The following KAZN variants were observed in gnomAD, a reference collection of about 807,000 sequenced individuals.
KAZN encodes kazrin.
In KAZN, 40 loss-of-function variants were observed where a neutral mutation model predicts 87.4. The observed-to-expected ratio is 0.46, with a 90% CI of 0.36 to 0.60. The LOEUF (loss-of-function observed/expected upper bound fraction) is 0.60. KAZN is among the 20% of genes least tolerant of loss of function. The pLI, the probability that KAZN is intolerant of heterozygous loss-of-function variation, is 0.00. For missense variants in KAZN, 898 were observed against 1,073.9 expected (o/e 0.84, Z 2.29); for synonymous variants, 466 against 458.3 (o/e 1.02, Z -0.22).
rs980777791 is a variant in KAZN, at chr1:14,974,762, T to G, written c.418+13887T>G. On this transcript the variant is annotated intron_variant, in intron 2 of 14. Coordinates refer to ENST00000376030, the MANE Select transcript of KAZN (RefSeq NM_201628.3). ...AAGGAGACTAGAAAATGCATGCTAATCTACAGGGACAGAAAGCTCCTGTAG... is the reference window on the plus strand; with the variant it reads ...AAGGAGACTAGAAAATGCATGCTAAGCTACAGGGACAGAAAGCTCCTGTAG... 2.6e-5 allele frequency among the ~76,000 whole-genome samples: 4 copies of G among 152,186 alleles called. No individual in the cohort carries two copies. The South Asian group carries it at 8.3e-4, about 31-fold the overall frequency.
chr1:14,113,779 C>T (rs1644549397), intron 1 of KAZN, among the ~76,000 whole-genome samples: 1 of 152,164 alleles, frequency 6.6e-6, no homozygotes, highest in South Asian at 2.1e-4. Context: ...AGTTTCTTGT[C>T]CTGTTCTATG....
chr1:14,696,924 C>T (rs1228496212), intron 1 of KAZN, among the ~76,000 whole-genome samples: 3 of 152,136 alleles, frequency 2.0e-5, no homozygotes, highest in Admixed American at 6.5e-5. Context: ...CAGCTGCCAA[C>T]AGGCGGGGGT....
chr1:14,298,076 T>C (rs1162072360), intron 2 of KAZN, among the ~76,000 whole-genome samples: 1 of 152,056 alleles, frequency 6.6e-6, no homozygotes, highest in Non-Finnish European at 1.5e-5. Flanking sequence ...AATACAAAAA[T>C]TAGCCGGGTG....
At chr1:13,977,241 A>G (rs954917992) in intron 1 of KAZN, among the ~76,000 whole-genome samples, 1 of 152,248 alleles carries the variant, frequency 6.6e-6, no homozygotes, top group African/African-American at 2.4e-5. Flanking sequence ...TATCACAGGT[A>G]CATTGGAAAG....
intron 2 of KAZN, among the ~76,000 whole-genome samples, chr1:15,012,659 C>T (rs769583277): frequency 2.1e-4 from 32 of 152,212 alleles, no homozygotes; most frequent in Non-Finnish European, 2.8e-4. Flanking sequence ...TGGTTGCTCA[C>T]GCCTGTAATC....
At chr1:13,995,936 G>A (rs570349485) in intron 1 of KAZN, among the ~76,000 whole-genome samples, 1 of 152,184 alleles carries the variant, frequency 6.6e-6, no homozygotes, top group Non-Finnish European at 1.5e-5. Flanking sequence ...AAACAGCAGC[G>A]ATCAGAGGCT....
chr1:14,972,955 TC>T (rs1324304162), intron 2 of KAZN, among the ~76,000 whole-genome samples: 1 of 151,850 alleles, frequency 6.6e-6, no homozygotes, highest in African/African-American at 2.4e-5. Flanking sequence ...GCAAAACGTA[TC>T]GAGCACCTCC....
intron 8 of KAZN, chr1:15,067,296 C>G (rs1639285890): frequency 1.0e-6 from 1 of 985,526 alleles, no homozygotes; most frequent in South Asian, 4.7e-5. Flanking sequence ...ACTCCGTCCC[C>G]CAACTTGTCA....
At position 15,094,217 on chromosome 1, in the gene KAZN, C is replaced by T; in HGVS notation, c.1260C>T (p.Leu420=). 6.2e-7 allele frequency: 1 copy of T among 1,613,846 alleles called. No individual in the cohort carries two copies. The highest frequency in any genetic ancestry group is 8.5e-7 in the Non-Finnish European group (1 of 1,179,890). The change falls in exon 9 of 15, where the codon CTC becomes CTT. Residue 420 remains leucine, a synonymous_variant. Coordinates refer to ENST00000376030, the MANE Select transcript of KAZN (RefSeq NM_201628.3). This position sits in a 1 kb window ranked among gnomAD's most constrained non-coding sequence, Gnocchi z 4.5. ...DSQCSPTRQS[L]SLSEGEEQMD... is the part of the protein sequence containing the mutation. ...AGTGCAGCCCCACGCGGCAGAGCCT[C>T]AGCCTGTCGGAAGGCGAGGAGCAGA...
intron 1 of KAZN, among the ~76,000 whole-genome samples, chr1:14,954,497 A>G (rs924772782): frequency 6.6e-6 from 1 of 152,330 alleles, no homozygotes; most frequent in South Asian, 2.1e-4. Context: ...AACAAATACC[A>G]TCTTCATCTC....
chr1:14,711,914 G>A (rs560788854), intron 1 of KAZN, among the ~76,000 whole-genome samples: 7 of 152,338 alleles, frequency 4.6e-5, no homozygotes, highest in Admixed American at 1.3e-4. Flanking sequence ...AAGCCATTAG[G>A]ACCGGGACAG....
intron 1 of KAZN, among the ~76,000 whole-genome samples, chr1:13,911,180 C>G (rs889118625): frequency 6.6e-6 from 1 of 152,200 alleles, no homozygotes; most frequent in Non-Finnish European, 1.5e-5. Flanking sequence ...TCCCAAGCAA[C>G]TGGAGTTACA....
intron 1 of KAZN, among the ~76,000 whole-genome samples, chr1:13,995,623 C>T (rs1269657330): frequency 2.0e-5 from 3 of 152,294 alleles, no homozygotes; most frequent in South Asian, 2.1e-4. Flanking sequence ...AGATTTGACA[C>T]GATCCCAATC....
intron 2 of KAZN, among the ~76,000 whole-genome samples, chr1:14,495,581 T>C (rs1031018482): frequency 9.3e-5 from 14 of 150,744 alleles, no homozygotes; most frequent in African/African-American, 1.5e-4. Flanking sequence ...TTCCCAATGA[T>C]TGGTCACAGT....
At chr1:14,030,338 C>T (rs1323292325) in intron 1 of KAZN, among the ~76,000 whole-genome samples, 4 of 149,712 alleles carry the variant, frequency 2.7e-5, no homozygotes, top group Non-Finnish European at 4.4e-5. Flanking sequence ...GAACAAAAAA[C>T]CAAACACCGC....
intron 1 of KAZN, among the ~76,000 whole-genome samples, chr1:14,868,397 G>C (rs567241552): frequency 6.6e-6 from 1 of 152,338 alleles, no homozygotes; most frequent in African/African-American, 2.4e-5. Flanking sequence ...TGGGATGGGA[G>C]CCATTTTATA....
At chr1:14,102,520 T>G (rs1644279983) in intron 1 of KAZN, among the ~76,000 whole-genome samples, 1 of 152,056 alleles carries the variant, frequency 6.6e-6, no homozygotes, top group Non-Finnish European at 1.5e-5. Context: ...TGTTTTGGTT[T>G]GTAAACTGCT....
At position 14,483,737 on chromosome 1, in the gene KAZN, G is replaced by A. The variant is rs76471291; in HGVS notation, c.250-115246G>A. Among the ~76,000 whole-genome samples, 8 of 152,276 alleles carry A rather than the reference G, an allele frequency of 5.3e-5. No individual in the cohort carries two copies. In the East Asian group the frequency reaches 9.7e-4, roughly 18 times the overall value. On this transcript the variant is annotated intron_variant, in intron 2 of 16. Transcript: ENST00000636203. ...AGGTTGTCTCTTCGTTCTGTTGACT[G>A]TTTCCTTTGCTGTACAGAGACTTTT...
intron 2 of KAZN, among the ~76,000 whole-genome samples, chr1:14,275,819 CT>C (rs1652301165): frequency 6.6e-6 from 1 of 152,080 alleles, no homozygotes; most frequent in Non-Finnish European, 1.5e-5. Flanking sequence ...GCTTTCCAGC[CT>C]TTTTTACAAC....
Sources: gnomAD v4.1 joint callset for allele counts (sites outside exome capture counted in the v4.1 genomes callset) on GRCh38, gnomAD v4.1.1 for gene constraint, Gnocchi (gnomAD v3.1) non-coding constraint, MANE v1.5 for transcripts, NCBI Gene and HGNC (gene_info 2026-07-23, HGNC 2026-07-21) for gene names.